The following FILIP1 variants were observed in gnomAD, a reference collection of about 807,000 sequenced individuals.
FILIP1 encodes filamin-A-interacting protein 1.
Under a neutral mutation model 102.1 loss-of-function variants are expected in FILIP1, and 61 were observed. That is an observed-to-expected ratio of 0.60 (90% CI 0.49 to 0.74). The LOEUF is 0.74. Among genes scored for constraint, FILIP1 ranks in the 30% least tolerant of loss-of-function variants. FILIP1 has a pLI of 0.00. For missense variants in FILIP1, 1,314 were observed against 1,441.2 expected (o/e 0.91, Z 1.43); for synonymous variants, 491 against 526.9 (o/e 0.93, Z 0.93).
rs199701222 is a variant in FILIP1 at position 75,312,544 on chromosome 6, G to A, written c.3288C>T (p.Asn1096=). Residue 1096 remains asparagine (N), a synonymous_variant, in exon 5 of 6, where the codon AAC becomes AAT. Transcript: ENST00000237172. The stretch of plus-strand genomic sequence containing the variant: ...TGGAAACCTCCTTTTCGGCTGTCAC[G>A]TTTACTGGTCGGACAGTAATAACTG... ...VSPVITVRPV[N]VTAEKEVSTG... 74 of 1,614,194 alleles carry A rather than the reference G, an allele frequency of 4.6e-5. No homozygotes were observed. The East Asian group carries it at 1.0e-3, about 22-fold the overall frequency.
At chr6:75,365,245 T>C (rs1290928103) in intron 2 of FILIP1, among the ~76,000 whole-genome samples, 2 of 152,050 alleles carry the variant, frequency 1.3e-5, no homozygotes, top group African/African-American at 4.8e-5. Context: ...AAGAATGTAC[T>C]GTTGTTTGTA....
chr6:75,487,631 T>C (rs1394322705), intron 1 of FILIP1, among the ~76,000 whole-genome samples: 4 of 152,108 alleles, frequency 2.6e-5, no homozygotes, highest in Non-Finnish European at 4.4e-5. Context: ...GTAACTCCAT[T>C]GTCTTGGTGG....
At chr6:75,427,925 T>G (rs1777683606) in intron 1 of FILIP1, among the ~76,000 whole-genome samples, 1 of 152,214 alleles carries the variant, frequency 6.6e-6, no homozygotes, top group South Asian at 2.1e-4. Context: ...TGTCTTTGTT[T>G]GTTAACACTA....
At chr6:75,443,755 C>A in intron 1 of FILIP1, among the ~76,000 whole-genome samples, 1 of 152,226 alleles carries the variant, frequency 6.6e-6, no homozygotes, top group East Asian at 1.9e-4. Flanking sequence ...TCGCCTTAGA[C>A]AAGGTATGGA....
At chr6:75,413,381 AT>A (rs1428985879) in intron 2 of FILIP1, among the ~76,000 whole-genome samples, 1 of 152,162 alleles carries the variant, frequency 6.6e-6, no homozygotes, top group Non-Finnish European at 1.5e-5. Flanking sequence ...TGGTGAAGCT[AT>A]TTTTAGTAAC....
At chr6:75,476,051 G>A (rs1317151791) in intron 1 of FILIP1, among the ~76,000 whole-genome samples, 1 of 152,040 alleles carries the variant, frequency 6.6e-6, no homozygotes, top group Admixed American at 6.6e-5. Context: ...GACCAGCCTG[G>A]CCAACATGGC....
chr6:75,470,113 A>AG (rs1160598329), intron 1 of FILIP1, among the ~76,000 whole-genome samples: 1 of 152,144 alleles, frequency 6.6e-6, no homozygotes, highest in Non-Finnish European at 1.5e-5. Flanking sequence ...ATGTTGAAAA[A>AG]CAAGGGGCAA....
intron 1 of FILIP1, among the ~76,000 whole-genome samples, chr6:75,477,846 A>T (rs1013505784): frequency 6.6e-6 from 1 of 152,182 alleles, no homozygotes; most frequent in African/African-American, 2.4e-5. Flanking sequence ...AGGATATGAG[A>T]ATATAATTGG....
intron 4 of FILIP1, among the ~76,000 whole-genome samples, chr6:75,338,839 T>C (rs537886061): frequency 1.3e-5 from 2 of 152,274 alleles, no homozygotes; most frequent in East Asian, 1.9e-4. Flanking sequence ...CCAACTAGTT[T>C]GGAATGCGGG....
rs191632721 is a variant in FILIP1, at chr6:75,464,689, G to C, written c.-7+28725C>G. On this transcript the variant is annotated intron_variant, in intron 1 of 5. Transcript: ENST00000237172. ...AACTTCATACTATTCTCCCAAATCT[G>C]CACCTGTATATCCAGCAACTCATTC... Among the ~76,000 whole-genome samples the C allele has an allele frequency of 2.6e-5, 4 of 152,214 alleles. No homozygotes were observed. The East Asian group carries it at 7.7e-4, about 29-fold the overall frequency.
At chr6:75,429,288 C>T (rs1189896909) in intron 1 of FILIP1, among the ~76,000 whole-genome samples, 8 of 152,138 alleles carry the variant, frequency 5.3e-5, no homozygotes, top group Admixed American at 5.2e-4. Context: ...GGATGGCAAA[C>T]AGAAATGCAA....
intron 1 of FILIP1, among the ~76,000 whole-genome samples, chr6:75,488,746 T>C (rs1582580174): frequency 6.6e-6 from 1 of 152,312 alleles, no homozygotes; most frequent in East Asian, 1.9e-4. Context: ...TTGTTGCCAC[T>C]AAAGCTGCTA....
At chr6:75,491,871 C>G (rs148582983) in intron 1 of FILIP1, among the ~76,000 whole-genome samples, 5 of 152,148 alleles carry the variant, frequency 3.3e-5, no homozygotes, top group Admixed American at 2.0e-4. Flanking sequence ...ACTTAGTTAT[C>G]GCCACACTGT....
At chr6:75,378,379 C>G (rs981833894) in intron 2 of FILIP1, among the ~76,000 whole-genome samples, 1 of 152,078 alleles carries the variant, frequency 6.6e-6, no homozygotes, top group East Asian at 1.9e-4. Context: ...GTCTATAGTA[C>G]GAGAGCTGAA....
intron 1 of FILIP1, among the ~76,000 whole-genome samples, chr6:75,448,187 G>A (rs750767101): frequency 6.6e-6 from 1 of 151,996 alleles, no homozygotes; most frequent in Non-Finnish European, 1.5e-5. Context: ...ACACAGCATG[G>A]ATTTTGTCAT....
chr6:75,406,174 C>T (rs1776837772), intron 2 of FILIP1, among the ~76,000 whole-genome samples: 1 of 152,204 alleles, frequency 6.6e-6, no homozygotes, highest in African/African-American at 2.4e-5. Context: ...CATCGCTCTA[C>T]TCCCCTGGAA....
intron 4 of FILIP1, among the ~76,000 whole-genome samples, chr6:75,321,651 G>A (rs1027738716): frequency 6.6e-5 from 10 of 152,232 alleles, no homozygotes; most frequent in East Asian, 3.9e-4. Flanking sequence ...AAAATTAGCC[G>A]GGCGCGGTGG....
intron 1 of FILIP1, among the ~76,000 whole-genome samples, chr6:75,418,146 C>T (rs536003470): frequency 5.3e-5 from 8 of 152,202 alleles, no homozygotes; most frequent in African/African-American, 1.9e-4. Context: ...TGTAGTGAGC[C>T]GAGATTGTGC....
chr6:75,319,774 G>C (rs1203554281), intron 4 of FILIP1: 1 of 321,886 alleles, frequency 3.1e-6, no homozygotes, highest in Admixed American at 3.9e-5. Flanking sequence ...AGCTTGCAGT[G>C]AGCTGAGATT....
Sources: allele counts gnomAD v4.1 joint callset (sites outside exome capture counted in the v4.1 genomes callset), GRCh38; gene constraint gnomAD v4.1.1; transcripts MANE v1.5; gene names NCBI Gene and HGNC (gene_info 2026-07-23, HGNC 2026-07-21).